PPIG: variants seen among roughly 807,000 people sequenced by gnomAD.
PPIG encodes peptidyl-prolyl cis-trans isomerase G.
Under a neutral mutation model 87.9 loss-of-function variants are expected in PPIG, and 26 were observed. That is an observed-to-expected ratio of 0.30 (90% CI 0.22 to 0.41). PPIG has a LOEUF of 0.41. Among genes scored for constraint, PPIG ranks in the 10% least tolerant of loss-of-function variants. PPIG has a pLI of 1.00. For missense variants in PPIG, 722 were observed against 879.4 expected (o/e 0.82, Z 2.26); for synonymous variants, 308 against 276.5 (o/e 1.11, Z -1.13).
At chr2:169,592,168 T>C (rs768107782) in intron 1 of PPIG, among the ~76,000 whole-genome samples, 1 of 151,538 alleles carries the variant, frequency 6.6e-6, no homozygotes, top group Non-Finnish European at 1.5e-5. Context: ...TTTAAAATTG[T>C]AAGGGCTTAA....
chr2:169,633,557 T>C (rs1207256872), intron 12 of PPIG: 4 of 433,062 alleles, frequency 9.2e-6, no homozygotes, highest in Non-Finnish European at 1.2e-5. Context: ...AAATTAACCC[T>C]ATTCTTGTAT....
chr2:169,604,838 C>T (rs555005285), intron 4 of PPIG, among the ~76,000 whole-genome samples: 2 of 150,808 alleles, frequency 1.3e-5, no homozygotes, highest in East Asian at 4.0e-4. Context: ...CGTGCCATTG[C>T]ACTCCAGCCT....
chr2:169,598,581 G>A (rs568814898), intron 1 of PPIG, among the ~76,000 whole-genome samples: 25 of 152,134 alleles, frequency 1.6e-4, no homozygotes, highest in African/African-American at 5.5e-4. Flanking sequence ...ATGAGCCACC[G>A]CGCCTGGCTT....
intron 12 of PPIG, among the ~76,000 whole-genome samples, chr2:169,635,042 C>G (rs186802397): frequency 1.4e-5 from 2 of 140,840 alleles, no homozygotes; most frequent in Non-Finnish European, 3.2e-5. Flanking sequence ...CTGAATAACA[C>G]TATTGTATGA....
intron 1 of PPIG, among the ~76,000 whole-genome samples, chr2:169,587,060 A>T (rs1684724234): frequency 6.6e-6 from 1 of 151,930 alleles, no homozygotes; most frequent in Non-Finnish European, 1.5e-5. Context: ...CAGCCTCCCT[A>T]GTAGCTGGGA....
intron 1 of PPIG, among the ~76,000 whole-genome samples, chr2:169,592,803 G>A (rs571095054): frequency 6.6e-6 from 1 of 152,206 alleles, no homozygotes; most frequent in African/African-American, 2.4e-5. Flanking sequence ...TTTCTGATTA[G>A]TAATTAGTAA....
chr2:169,612,800 G>A (rs1446948427), intron 7 of PPIG, among the ~76,000 whole-genome samples: 4 of 152,150 alleles, frequency 2.6e-5, no homozygotes, highest in African/African-American at 9.7e-5. Flanking sequence ...GAATACTGCT[G>A]CAGTGAGCAT....
At chr2:169,605,344 T>TAACAA (rs1480791726) in intron 4 of PPIG, among the ~76,000 whole-genome samples, 1 of 150,776 alleles carries the variant, frequency 6.6e-6, no homozygotes, top group African/African-American at 2.4e-5. Context: ...AAAAAATAAA[T>TAACAA]AACAAAAAAT....
chr2:169,614,990 C>T (rs1158622765), intron 9 of PPIG, among the ~76,000 whole-genome samples: 1 of 151,734 alleles, frequency 6.6e-6, no homozygotes, highest in Non-Finnish European at 1.5e-5. Context: ...CACATAATTA[C>T]CCCTTTTTGT....
intron 1 of PPIG, among the ~76,000 whole-genome samples, chr2:169,592,969 C>T (rs1684909218): frequency 1.3e-5 from 2 of 151,972 alleles, no homozygotes; most frequent in African/African-American, 2.4e-5. Context: ...TAGTAATTTG[C>T]TGCCTTTCAT....
chr2:169,623,250 G>A (rs989076059), intron 9 of PPIG, among the ~76,000 whole-genome samples: 8 of 152,308 alleles, frequency 5.3e-5, no homozygotes, highest in African/African-American at 1.9e-4. Flanking sequence ...CCAGTACCTT[G>A]ATTAAGATAT....
At chr2:169,615,890 C>A (rs1253915755) in intron 9 of PPIG, among the ~76,000 whole-genome samples, 1 of 152,094 alleles carries the variant, frequency 6.6e-6, no homozygotes. Context: ...GATACATGTG[C>A]AGAACATGCC....
chr2:169,592,564 A>G (rs967674214), intron 1 of PPIG, among the ~76,000 whole-genome samples: 4 of 152,140 alleles, frequency 2.6e-5, no homozygotes, highest in South Asian at 2.1e-4. Context: ...TCGGCCTCCC[A>G]GAGTGCTGGG....
At position 169,636,955 on chromosome 2, in the gene PPIG, G is replaced by T. The variant is rs772209064; in HGVS notation, c.1697G>T (p.Ser566Ile). Reference protein sequence around the residue: ...HSYNSRTRERSRSRDRSRRVR... With the variant: ...HSYNSRTRERIRSRDRSRRVR... ...TATAATAGCAGAACAAGAGAACGAA[G>T]CAGAAGTAGGGACAGAAGCAGAAGA... Residue 566 changes from serine (S) to isoleucine (I), a missense_variant, in exon 14 of 14, where the codon AGC becomes ATC. Physicochemically the swap from Ser to Ile is moderately radical, Grantham distance 142. Around this residue, in one of 4 missense-constraint regions of PPIG, gnomAD observed 476 missense variants for 483.1 expected, o/e 0.99. Coordinates refer to ENST00000260970, the MANE Select transcript of PPIG (RefSeq NM_004792.3). The T allele has an allele frequency of 6.2e-7, 1 of 1,613,984 alleles. No homozygotes were observed. The highest frequency in any genetic ancestry group is 1.1e-5 in the South Asian group (1 of 91,084).
chr2:169,613,481 A>G (rs1685542100), intron 7 of PPIG, among the ~76,000 whole-genome samples: 1 of 152,176 alleles, frequency 6.6e-6, no homozygotes, highest in Non-Finnish European at 1.5e-5. Flanking sequence ...CAGTGTTTTT[A>G]GTACGTATTC....
chr2:169,617,270 G>C (rs1685631054), intron 9 of PPIG, among the ~76,000 whole-genome samples: 2 of 152,118 alleles, frequency 1.3e-5, no homozygotes, highest in Non-Finnish European at 2.9e-5. Flanking sequence ...TAGCCTTGCA[G>C]TATAGTTTGA....
chr2:169,602,548 C>G (rs1685213982), intron 1 of PPIG, among the ~76,000 whole-genome samples: 1 of 152,070 alleles, frequency 6.6e-6, no homozygotes, highest in South Asian at 2.1e-4. Flanking sequence ...ACTCCTGACC[C>G]TGATCCGCCC....
chr2:169,604,288 A>G (rs1685259408), intron 4 of PPIG, 27 bp downstream of exon 4: 1 of 1,409,260 alleles, frequency 7.1e-7, no homozygotes, highest in Non-Finnish European at 9.9e-7. Flanking sequence ...AACTGCCCTA[A>G]TAGTAGTCTC....
chr2:169,627,687 C>G (rs1176579628), intron 9 of PPIG, among the ~76,000 whole-genome samples: 1 of 149,070 alleles, frequency 6.7e-6, no homozygotes, highest in East Asian at 2.0e-4. Flanking sequence ...AAGCCATGCC[C>G]CTAGCCAGTG....
Sources: allele counts gnomAD v4.1 joint callset (sites outside exome capture counted in the v4.1 genomes callset), GRCh38; gene constraint gnomAD v4.1.1; regional missense constraint gnomAD v4.1.1; transcripts MANE v1.5; gene names NCBI Gene and HGNC (gene_info 2026-07-23, HGNC 2026-07-21).